The following PPL variants were observed in gnomAD, a reference collection of about 807,000 sequenced individuals.
PPL encodes the protein 190 kDa paraneoplastic pemphigus antigen.
A neutral mutation model predicts 194.4 loss-of-function variants in PPL; 198 were observed. That is an observed-to-expected ratio of 1.02 (90% CI 0.91 to 1.15). PPL has a LOEUF of 1.15. Ranked by LOEUF, PPL falls within the 50% of genes most tolerant of loss-of-function variation. The pLI is 0.00. For synonymous variants in PPL, 1,220 were observed against 972.4 expected (o/e 1.25, Z -4.74); for missense variants, 2,885 against 2,294.8 (o/e 1.26, Z -5.25).
chr16:4,902,670 C>T lies in PPL; in HGVS notation c.318-144G>A. The T allele has an allele frequency of 2.3e-6, 2 of 856,636 alleles. No homozygotes were observed. Among genetic ancestry groups the T allele is most frequent in the African/African-American group, 1.8e-5 (1 of 56,592 alleles). The allele number at this position is 856,636 out of a possible 1,614,324, so 53.1% of individuals were successfully genotyped here. On this transcript the variant is annotated intron_variant, in intron 3 of 21. Transcript: ENST00000345988. The surrounding 1 kb of genome is among the most constrained non-coding windows in gnomAD (Gnocchi z 4.0). ...TTGGGTTCCAGACAATCACAGCATCCTCTCACCCCTCCTCCCATGCACTTT... is the reference window on the plus strand; with the variant it reads ...TTGGGTTCCAGACAATCACAGCATCTTCTCACCCCTCCTCCCATGCACTTT...
intron 1 of PPL, among the ~76,000 whole-genome samples, chr16:4,933,551 G>T (rs544202624): frequency 1.3e-5 from 2 of 152,262 alleles, no homozygotes; most frequent in South Asian, 4.1e-4. Flanking sequence ...TCACCTCCCA[G>T]CATCTGTGCT....
intron 4 of PPL, among the ~76,000 whole-genome samples, chr16:4,901,290 C>T (rs1328414455): frequency 6.6e-6 from 1 of 152,190 alleles, no homozygotes; most frequent in African/African-American, 2.4e-5. Flanking sequence ...TTTCATCTCA[C>T]AGAGCCTCAG....
chr16:4,893,940 A>C, intron 12 of PPL: 1 of 423,930 alleles, frequency 2.4e-6, no homozygotes, highest in Non-Finnish European at 4.2e-6. Flanking sequence ...ATACTTAATA[A>C]ATGAAGGCAT....
In PPL at chr16:4,885,315, C is replaced by G. The variant is rs375244420; in HGVS notation, c.3340G>C (p.Val1114Leu). 1 of 1,612,418 alleles carries G rather than the reference C, an allele frequency of 6.2e-7. No individual in the cohort carries two copies. Among genetic ancestry groups the G allele is most frequent in the Non-Finnish European group, 8.5e-7 (1 of 1,179,988 alleles). The change falls in exon 22 of 22, where the codon GTC (valine) becomes CTC (leucine). Residue 1114 changes from valine (V) to leucine (L), a missense_variant. Val to Leu is a conservative substitution (Grantham distance 32, BLOSUM62 1). Coordinates refer to ENST00000345988, the MANE Select transcript of PPL (RefSeq NM_002705.5). The surrounding 1 kb of genome is among the most constrained non-coding windows in gnomAD (Gnocchi z 6.3). Reference sequence around the variant, plus strand: ...TTCTCCACCTTGAGCACCTCCTTGACGGTGATCTTGCCCTCGGCCATGGCC... The same window carrying G: ...TTCTCCACCTTGAGCACCTCCTTGAGGGTGATCTTGCCCTCGGCCATGGCC... ...ERAMAEGKITVKEVLKVEKDA... is the reference protein window; with the variant it reads ...ERAMAEGKITLKEVLKVEKDA...
intron 6 of PPL, 78 bp from the exon 7 acceptor site, chr16:4,899,462 G>GGTCCAGCTATGGCTGGCCTGAGGACAA: frequency 1.4e-6 from 1 of 706,558 alleles, no homozygotes; most frequent in Non-Finnish European, 1.8e-6. Flanking sequence ...CCTCCTGCAG[G>GGTCCAGCTATGGCTGGCCTGAGGACAA]GCCCAGCTAT....
At chr16:4,911,071 G>T in intron 1 of PPL, 122 bp from the exon 2 acceptor site, 2 of 722,522 alleles carry the variant, frequency 2.8e-6, no homozygotes, top group Non-Finnish European at 2.3e-6. Flanking sequence ...TGCCCACAGA[G>T]CCTTTGAGGT....
chr16:4,887,464 T>TC (rs373755593), intron 20 of PPL, among the ~76,000 whole-genome samples: 21 of 152,282 alleles, frequency 1.4e-4, no homozygotes, highest in African/African-American at 4.8e-4. Flanking sequence ...AGCAAGTCTT[T>TC]CTGCCTCTTA....
intron 9 of PPL, among the ~76,000 whole-genome samples, chr16:4,897,192 G>C (rs2088447153): frequency 6.6e-6 from 1 of 151,534 alleles, no homozygotes; most frequent in Non-Finnish European, 1.5e-5. Flanking sequence ...AAAATTAGCT[G>C]GGTGTGGTGG....
At chr16:4,908,445 T>TCTCTCTCTCTCTCTCA (rs138719548) in intron 2 of PPL, among the ~76,000 whole-genome samples, 2 of 151,258 alleles carry the variant, frequency 1.3e-5, no homozygotes, top group African/African-American at 2.4e-5. Flanking sequence ...TCTCTCTCTC[T>TCTCTCTCTCTCTCTCA]CACACACATA....
chr16:4,888,348 C>G (rs981455008), intron 19 of PPL, 130 bp from the exon 20 acceptor site: 4 of 657,922 alleles, frequency 6.1e-6, no homozygotes, highest in South Asian at 5.2e-5. Context: ...CTGCGTGGGT[C>G]TTCCTCACAG....
In PPL at chr16:4,899,000, G is replaced by A. The variant is rs765481572; in HGVS notation, c.876+13C>T. On this transcript the variant is annotated intron_variant, in intron 8 of 21. Transcript: ENST00000345988. The stretch of plus-strand genomic sequence containing the variant: ...CACCCTGGGGGAGGTGTCTGGTCTC[G>A]GGGTGCATGAACCTCAATGGAGTTC... The A allele has an allele frequency of 3.0e-5, 49 of 1,610,216 alleles. No individual in the cohort carries two copies. The highest frequency in any genetic ancestry group is 1.9e-4 in the South Asian group (17 of 91,024).
intron 17 of PPL, 115 bp downstream of exon 17, chr16:4,890,613 A>C (rs1217596688): frequency 3.9e-6 from 5 of 1,279,272 alleles, no homozygotes; most frequent in African/African-American, 1.5e-5. Flanking sequence ...GAATCTGACG[A>C]ACTCACCAAA....
At chr16:4,899,475 C>CTGGCCTGAGGACAAGCCCAGCCATGGG in intron 6 of PPL, 91 bp from the exon 7 acceptor site, 1 of 709,084 alleles carries the variant, frequency 1.4e-6, no homozygotes, top group Non-Finnish European at 2.3e-6. Context: ...CCAGCTATGG[C>CTGGCCTGAGGACAAGCCCAGCCATGGG]TGGCCTGAGG....
intron 1 of PPL, among the ~76,000 whole-genome samples, chr16:4,934,317 G>A (rs1025625751): frequency 1.3e-5 from 2 of 149,724 alleles, no homozygotes; most frequent in Admixed American, 6.6e-5. Context: ...GGGGTGTTCC[G>A]TTCACTAATC....
intron 16 of PPL, chr16:4,891,605 G>T: frequency 1.8e-6 from 1 of 566,206 alleles, no homozygotes; most frequent in Non-Finnish European, 3.0e-6. Flanking sequence ...TTAAAATGCT[G>T]GCACCCGAAA....
intron 1 of PPL, among the ~76,000 whole-genome samples, chr16:4,914,877 C>A (rs1483002127): frequency 6.6e-6 from 1 of 152,162 alleles, no homozygotes; most frequent in Non-Finnish European, 1.5e-5. Flanking sequence ...CCCCCACTTC[C>A]TGGTTGGGCA....
At chr16:4,911,837 C>T (rs80173917) in intron 1 of PPL, among the ~76,000 whole-genome samples, 222 of 152,180 alleles carry the variant, frequency 1.5e-3, no homozygotes, top group African/African-American at 4.9e-3. Context: ...CAGGCCCCGA[C>T]TACATATTTT....
chr16:4,884,454 G>A lies in PPL; in HGVS notation c.4201C>T (p.Arg1401Trp), dbSNP rs759709270. The A allele has an allele frequency of 6.9e-6, 11 of 1,601,432 alleles. No homozygotes were observed. In the East Asian group the frequency reaches 8.9e-5, roughly 13 times the overall value. ...TCGCGCTCTAGCTCCTCCAGCTGCC[G>A]CTCAAGCTCGGTGCGCCGGCGCTGC... ...RLQRRRTELE[R>W]QLEELERERQ... Residue 1401 changes from arginine to tryptophan, a missense_variant, in exon 22 of 22, where the codon CGG becomes TGG. Coordinates refer to ENST00000345988, the MANE Select transcript of PPL (RefSeq NM_002705.5). This position sits in a 1 kb window ranked among gnomAD's most constrained non-coding sequence, Gnocchi z 5.7.
chr16:4,906,590 A>G (rs980168726), intron 2 of PPL, among the ~76,000 whole-genome samples: 4 of 152,214 alleles, frequency 2.6e-5, no homozygotes, highest in Admixed American at 2.0e-4. Context: ...TCAAAGATTA[A>G]TTTTGCAAAA....
Sources: gnomAD v4.1 joint callset for allele counts (sites outside exome capture counted in the v4.1 genomes callset) on GRCh38, gnomAD v4.1.1 for gene constraint, Gnocchi (gnomAD v3.1) non-coding constraint, MANE v1.5 for transcripts, NCBI Gene and HGNC (gene_info 2026-07-23, HGNC 2026-07-21) for gene names.